SUSD1: variants seen among roughly 807,000 people sequenced by gnomAD.
The protein encoded by SUSD1 is sushi domain containing 1, also known as sushi domain-containing protein 1.
In SUSD1, 65 loss-of-function variants were observed where a neutral mutation model predicts 86.9. The observed-to-expected ratio is 0.75, with a 90% CI of 0.61 to 0.92. The LOEUF is 0.92. Among genes scored for constraint, SUSD1 ranks in the 40% least tolerant of loss-of-function variants. SUSD1 has a pLI of 0.00. For missense variants in SUSD1, 850 were observed against 929.7 expected, an observed-to-expected ratio of 0.91 and a Z score of 1.11; for synonymous variants, 346 against 350.0, an observed-to-expected ratio of 0.99 and a Z score of 0.13.
chr9:112,095,298 C>T (rs145470383), intron 10 of SUSD1, among the ~76,000 whole-genome samples: 8 of 152,230 alleles, frequency 5.3e-5, no homozygotes, highest in Admixed American at 2.0e-4. Flanking sequence ...GCAATAAAGA[C>T]GGAACAGAAA....
chr9:112,056,044 T>C (rs1828434380), intron 14 of SUSD1, among the ~76,000 whole-genome samples: 1 of 152,174 alleles, frequency 6.6e-6, no homozygotes, highest in South Asian at 2.1e-4. Context: ...GAGGATCACT[T>C]GAGCCTGGGA....
At chr9:112,173,670 C>A in intron 1 of SUSD1, 1 of 450,676 alleles carries the variant, frequency 2.2e-6, no homozygotes, top group Non-Finnish European at 4.3e-6. Flanking sequence ...GGCACGAGCA[C>A]GTTTCCCAAG....
intron 9 of SUSD1, among the ~76,000 whole-genome samples, chr9:112,099,903 T>C (rs1830554367): frequency 6.6e-6 from 1 of 152,212 alleles, no homozygotes; most frequent in Non-Finnish European, 1.5e-5. Flanking sequence ...AACCATCAAA[T>C]GTTGGCCTCA....
rs1226073813 is a variant in SUSD1 at position 112,157,816 on chromosome 9, C to CT, written c.104-204dup. ...TCTTCCTCTGTGTGGCAATGTCTTT[C>CT]TTTCTTTCTTTTTTTTTTTTTTTTC... On this transcript the variant is annotated intron_variant, in intron 1 of 16. Coordinates refer to ENST00000374270, the MANE Select transcript of SUSD1 (RefSeq NM_022486.5). Among the ~76,000 whole-genome samples the CT allele has an allele frequency of 1.3e-4, 18 of 138,520 alleles. 1 individual carries two copies. Among genetic ancestry groups the CT allele is most frequent in the African/African-American group, 5.2e-4 (18 of 34,532 alleles). The allele number at this position is 138,520 out of a possible 152,430, so 90.9% of individuals were successfully genotyped here. A position where few individuals can be genotyped will look rare whatever the true frequency, so the allele number is the denominator to read the frequency against.
intron 12 of SUSD1, among the ~76,000 whole-genome samples, chr9:112,071,802 A>G (rs767869643): frequency 1.3e-5 from 2 of 152,252 alleles, no homozygotes; most frequent in Admixed American, 6.5e-5. Flanking sequence ...AATAAAAAGT[A>G]GGTAGAAAAA....
chr9:112,138,629 T>C (rs1318182347), intron 5 of SUSD1, among the ~76,000 whole-genome samples: 3 of 151,942 alleles, frequency 2.0e-5, no homozygotes, highest in African/African-American at 7.2e-5. Context: ...GTTGTATTTT[T>C]AGTAGAGATA....
intron 8 of SUSD1, chr9:112,103,134 A>T (rs1564296441): frequency 2.2e-6 from 1 of 461,440 alleles, no homozygotes; most frequent in Non-Finnish European, 4.4e-6. Context: ...ACTACCTTTT[A>T]TATGTGTATT....
At chr9:112,107,573 T>TG (rs1830907002) in intron 8 of SUSD1, among the ~76,000 whole-genome samples, 1 of 152,150 alleles carries the variant, frequency 6.6e-6, no homozygotes, top group African/African-American at 2.4e-5. Flanking sequence ...TCTCAATACA[T>TG]GCTGTCTCCT....
intron 14 of SUSD1, among the ~76,000 whole-genome samples, chr9:112,058,109 T>C (rs1280074141): frequency 6.6e-6 from 1 of 152,148 alleles, no homozygotes; most frequent in Non-Finnish European, 1.5e-5. Flanking sequence ...ACAAGGAAGT[T>C]AACAGAGAAT....
Position 112,112,816 on chromosome 9 carries a change from T to A in SUSD1, c.939A>T (p.Arg313Ser), listed in dbSNP as rs1392012126. The change falls in exon 7 of 17, where the codon AGA becomes AGT. Residue 313 changes from arginine to serine, a missense_variant. Physicochemically the swap from Arg to Ser is moderately radical, Grantham distance 110. Coordinates refer to ENST00000374270, the MANE Select transcript of SUSD1 (RefSeq NM_022486.5). ...TTATTCTTCTTGAGTTTATTTGCCA[T>A]CTCACACAGGTATCATTAAACAGTG... ...DVSLFNDTCV[R>S]WQINSRRINP... The A allele has an allele frequency of 6.2e-7, 1 of 1,613,544 alleles. No homozygotes were observed. The highest frequency in any genetic ancestry group is 1.7e-5 in the Admixed American group (1 of 60,008).
At chr9:112,137,153 A>G in intron 5 of SUSD1, among the ~76,000 whole-genome samples, 1 of 152,120 alleles carries the variant, frequency 6.6e-6, no homozygotes, top group Non-Finnish European at 1.5e-5. Flanking sequence ...CACCTTAAAG[A>G]GCTGGCCACC....
intron 12 of SUSD1, among the ~76,000 whole-genome samples, chr9:112,074,794 GTT>G (rs201701501): frequency 1.8e-4 from 25 of 137,154 alleles, no homozygotes; most frequent in African/African-American, 5.3e-4. Context: ...AAAGGGGTTG[GTT>G]TTTTTTTTTT....
intron 10 of SUSD1, among the ~76,000 whole-genome samples, chr9:112,083,636 A>G (rs765392861): frequency 1.3e-5 from 2 of 152,242 alleles, no homozygotes; most frequent in Non-Finnish European, 2.9e-5. Context: ...ACAAAAATAT[A>G]AGCAAAATTA....
intron 8 of SUSD1, chr9:112,103,279 C>T: frequency 6.0e-6 from 2 of 333,600 alleles, no homozygotes; most frequent in Non-Finnish European, 1.2e-5. Context: ...ATATTCCTGC[C>T]TATAATTGGA....
chr9:112,157,356 C>G (rs1237770920), intron 2 of SUSD1, 144 bp downstream of exon 2: 6 of 603,632 alleles, frequency 9.9e-6, no homozygotes, highest in Non-Finnish European at 8.7e-6. Context: ...AAAACAAAGA[C>G]TTATTATAAT....
At chr9:112,104,072 C>T (rs1830734541) in intron 8 of SUSD1, among the ~76,000 whole-genome samples, 1 of 151,936 alleles carries the variant, frequency 6.6e-6, no homozygotes, top group South Asian at 2.1e-4. Flanking sequence ...CAGGGTCTCA[C>T]TCTGTCACCC....
At chr9:112,165,942 G>GAAAGAAAGAAAGAAAGAAAGAAAGAAAGA in intron 1 of SUSD1, among the ~76,000 whole-genome samples, 1 of 71,962 alleles carries the variant, frequency 1.4e-5, no homozygotes, top group East Asian at 4.3e-4. Flanking sequence ...AAGAAAGAAA[G>GAAAGAAAGAAAGAAAGAAAGAAAGAAAGA]AAGAAAGAAA....
chr9:112,053,864 G>C (rs1315598759), intron 14 of SUSD1, among the ~76,000 whole-genome samples: 1 of 152,210 alleles, frequency 6.6e-6, no homozygotes, highest in Non-Finnish European at 1.5e-5. Context: ...GAAAGATGTG[G>C]TAGAAAAGTG....
intron 2 of SUSD1, among the ~76,000 whole-genome samples, chr9:112,151,905 A>G (rs1387490927): frequency 6.6e-6 from 1 of 151,910 alleles, no homozygotes; most frequent in Non-Finnish European, 1.5e-5. Flanking sequence ...ACAGTGGTAC[A>G]TGCCTGTAAT....
Sources: allele counts gnomAD v4.1 joint callset (sites outside exome capture counted in the v4.1 genomes callset), GRCh38; gene constraint gnomAD v4.1.1; transcripts MANE v1.5; gene names NCBI Gene and HGNC (gene_info 2026-07-23, HGNC 2026-07-21).